ARMC6: variants seen among roughly 807,000 people sequenced by gnomAD.
The protein encoded by ARMC6 is armadillo repeat-containing protein 6.
ARMC6 carries 43 observed loss-of-function variants against 49.2 expected under a neutral mutation model. That is an observed-to-expected ratio of 0.87 (90% CI 0.69 to 1.13). ARMC6 has a LOEUF of 1.13. ARMC6 is among the 50% of genes most tolerant of loss of function. The pLI is 0.00. For missense variants in ARMC6, 627 were observed against 682.0 expected (o/e 0.92, Z 0.90); for synonymous variants, 262 against 289.6 (o/e 0.90, Z 0.97).
intron 3 of ARMC6, among the ~76,000 whole-genome samples, chr19:19,043,590 G>A (rs78205899): frequency 0.014 from 2,198 of 152,244 alleles, 47 homozygotes; most frequent in African/African-American, 0.048. Context: ...GCACTGTAGG[G>A]GCTCCCTGTG....
intron 4 of ARMC6, among the ~76,000 whole-genome samples, chr19:19,047,766 G>T (rs2059463104): frequency 6.6e-6 from 1 of 152,206 alleles, no homozygotes; most frequent in Middle Eastern, 3.2e-3. Context: ...GAGCTCCTGA[G>T]AACATGTGTC....
At chr19:19,036,807 G>A (rs987279121) in intron 2 of ARMC6, among the ~76,000 whole-genome samples, 2 of 152,230 alleles carry the variant, frequency 1.3e-5, no homozygotes, top group African/African-American at 4.8e-5. Flanking sequence ...TTCTGAGGAA[G>A]GTATAGGAGT....
chr19:19,038,600 G>A (rs141123078), intron 2 of ARMC6, among the ~76,000 whole-genome samples: 13 of 152,150 alleles, frequency 8.5e-5, no homozygotes, highest in Admixed American at 3.9e-4. Context: ...TTTTTGAGAC[G>A]AAGTCTTGCT....
At chr19:19,038,660 C>T (rs1173802892) in intron 2 of ARMC6, among the ~76,000 whole-genome samples, 3 of 152,164 alleles carry the variant, frequency 2.0e-5, no homozygotes, top group African/African-American at 4.8e-5. Context: ...TCACTGCAAC[C>T]TCCACCTCCC....
At chr19:19,041,723 C>T (rs990124790) in intron 2 of ARMC6, among the ~76,000 whole-genome samples, 10 of 152,172 alleles carry the variant, frequency 6.6e-5, no homozygotes, top group Admixed American at 5.2e-4. Flanking sequence ...CATATGTTTA[C>T]ATTATACAAC....
At chr19:19,043,598 G>C (rs1048253022) in intron 3 of ARMC6, among the ~76,000 whole-genome samples, 13 of 152,156 alleles carry the variant, frequency 8.5e-5, no homozygotes, top group Non-Finnish European at 5.9e-5. Context: ...GGGGCTCCCT[G>C]TGGGGGTGCC....
intron 2 of ARMC6, among the ~76,000 whole-genome samples, chr19:19,042,297 A>G (rs1467600645): frequency 6.6e-6 from 1 of 152,200 alleles, no homozygotes; most frequent in Non-Finnish European, 1.5e-5. Context: ...TCATTATATT[A>G]AAGAACCACC....
Position 19,051,856 on chromosome 19 carries a change from C to T in ARMC6, c.514C>T (p.Leu172Phe), listed in dbSNP as rs2059500180. ...GGTGCTGACTGATGGACAGCCAGAC[C>T]TCCTGGATGCCCAGGGCCTGCAGCT... Reference protein sequence around the residue: ...LSVLTDGQPDLLDAQGLQLLV... With the variant: ...LSVLTDGQPDFLDAQGLQLLV... Residue 172 changes from leucine (L) to phenylalanine (F), a missense_variant, in exon 5 of 9, where the codon CTC becomes TTC. Coordinates refer to ENST00000535612, the MANE Select transcript of ARMC6 (RefSeq NM_001199196.2). The T allele has an allele frequency of 8.7e-6, 14 of 1,614,040 alleles. No individual in the cohort carries two copies. The highest frequency in any genetic ancestry group is 1.2e-5 in the Non-Finnish European group (14 of 1,180,042).
intron 2 of ARMC6, among the ~76,000 whole-genome samples, chr19:19,038,898 TACACACAC>T (rs35676976): frequency 1.1e-3 from 155 of 147,306 alleles, no homozygotes; most frequent in African/African-American, 3.7e-3. Context: ...TTTGTGTGTA[TACACACAC>T]ACACACACAC....
At chr19:19,043,032 G>T (rs1372244999) in intron 3 of ARMC6, among the ~76,000 whole-genome samples, 155 bp downstream of exon 3, 2 of 152,204 alleles carry the variant, frequency 1.3e-5, no homozygotes, top group African/African-American at 2.4e-5. Flanking sequence ...CCCGAGGCAG[G>T]CTGGTTATCC....
intron 6 of ARMC6, 117 bp downstream of exon 6, chr19:19,054,438 T>C: frequency 8.8e-7 from 1 of 1,131,898 alleles, no homozygotes; most frequent in South Asian, 2.1e-5. Context: ...GTGCAGTTTT[T>C]CTTTTCACGG....
At chr19:19,035,259 G>C (rs1195092947) in intron 2 of ARMC6, among the ~76,000 whole-genome samples, 2 of 152,162 alleles carry the variant, frequency 1.3e-5, no homozygotes, top group African/African-American at 2.4e-5. Context: ...ACCCGCCTCA[G>C]ACTCCCAAAG....
intron 4 of ARMC6, among the ~76,000 whole-genome samples, chr19:19,045,849 C>G (rs1444871806): frequency 6.6e-6 from 1 of 152,084 alleles, no homozygotes; most frequent in Non-Finnish European, 1.5e-5. Flanking sequence ...GACGAGGTTT[C>G]ACCATGTTAG....
chr19:19,051,375 CTGTGTGTGTGTGTGTGTGTGTGTG>C (rs35164662), intron 4 of ARMC6, among the ~76,000 whole-genome samples: 2 of 139,666 alleles, frequency 1.4e-5, no homozygotes, highest in African/African-American at 5.6e-5. Context: ...CTCTCTCTCT[CTGTGTGTGTGTGTGTGTGTGTGTG>C]TGTGTGTGTG....
intron 2 of ARMC6, among the ~76,000 whole-genome samples, chr19:19,041,513 TA>T (rs2059411649): frequency 6.6e-6 from 1 of 152,048 alleles, no homozygotes; most frequent in Non-Finnish European, 1.5e-5. Flanking sequence ...CATGCCCGGT[TA>T]ATTTTTGTAT....
rs2059501172 is a variant in ARMC6 at position 19,051,986 on chromosome 19, A to G, written c.644A>G (p.Asp215Gly). Reference sequence around the variant, plus strand: ...CTGAAACATGAACAGAATCGGCAAGACCTGGTGAAAGCTGGCGTGCTGCCT... The same window carrying G: ...CTGAAACATGAACAGAATCGGCAAGGCCTGGTGAAAGCTGGCGTGCTGCCT... ...ACLKHEQNRQ[D>G]LVKAGVLPLL... The change falls in exon 5 of 9, where the codon GAC becomes GGC. Residue 215 changes from aspartate (D) to glycine (G), a missense_variant. Asp to Gly is a moderately conservative substitution (Grantham distance 94, BLOSUM62 -1). Coordinates refer to ENST00000535612, the MANE Select transcript of ARMC6 (RefSeq NM_001199196.2). 6.2e-7 allele frequency: 1 copy of G among 1,613,976 alleles called. No individual in the cohort carries two copies. Among genetic ancestry groups the G allele is most frequent in the Admixed American group, 1.7e-5 (1 of 60,008 alleles).
chr19:19,042,356 T>G (rs967926876), intron 2 of ARMC6, among the ~76,000 whole-genome samples: 1 of 152,036 alleles, frequency 6.6e-6, no homozygotes, highest in Non-Finnish European at 1.5e-5. Flanking sequence ...TACACTTTGT[T>G]TTTTTTTCCC....
intron 6 of ARMC6, 126 bp downstream of exon 6, chr19:19,054,447 G>A (rs1568497006): frequency 1.8e-5 from 19 of 1,035,446 alleles, no homozygotes; most frequent in South Asian, 1.8e-4. Flanking sequence ...TTCTTTTCAC[G>A]GACCCAAGGG....
intron 6 of ARMC6, among the ~76,000 whole-genome samples, chr19:19,054,638 C>T (rs1418313175): frequency 6.6e-6 from 1 of 152,164 alleles, no homozygotes; most frequent in Non-Finnish European, 1.5e-5. Context: ...AGTGTCCCTA[C>T]TCATTACTCC....
Sources: gnomAD v4.1 joint callset for allele counts (sites outside exome capture counted in the v4.1 genomes callset) on GRCh38, gnomAD v4.1.1 for gene constraint, MANE v1.5 for transcripts, NCBI Gene and HGNC (gene_info 2026-07-23, HGNC 2026-07-21) for gene names.